Variants in AGBL1 observed in about 807,000 individuals in gnomAD.
AGBL1 encodes cytosolic carboxypeptidase 4.
AGBL1 carries 130 observed loss-of-function variants against 118.9 expected under a neutral mutation model. The ratio of observed to expected loss-of-function variants is 1.09; its 90% CI spans 0.95 to 1.26. The LOEUF is 1.26. Among genes scored for constraint, AGBL1 ranks in the 50% most tolerant of loss-of-function variants. The probability of loss-of-function intolerance (pLI) is 0.00; values close to 1 mark genes in which losing one functional copy is unlikely to be tolerated. For missense variants in AGBL1, 1,584 were observed against 1,298.1 expected (o/e 1.22, Z -3.38); for synonymous variants, 555 against 478.9 (o/e 1.16, Z -2.08).
At chr15:86,595,618 C>G (rs1338135131) in intron 21 of AGBL1, among the ~76,000 whole-genome samples, 1 of 152,142 alleles carries the variant, frequency 6.6e-6, no homozygotes, top group East Asian at 1.9e-4. Flanking sequence ...TCTGAGGGAC[C>G]ATCACCTCTT....
rs180677835 is a variant in AGBL1 at position 86,787,859 on chromosome 15, T to C, written c.3158+113423T>C. Reference sequence around the variant, plus strand: ...AGAATGTTTTATCAATACTTACATCTTTTTTTTCTTCTTTGAATTTTTGAT... The same window carrying C: ...AGAATGTTTTATCAATACTTACATCCTTTTTTTCTTCTTTGAATTTTTGAT... On this transcript the variant is annotated intron_variant, in intron 22 of 22. Coordinates refer to ENST00000614907, the MANE Select transcript of AGBL1 (RefSeq NM_001386094.1). 1.9e-3 allele frequency among the ~76,000 whole-genome samples: 294 copies of C among 150,868 alleles called. 1 individual carries two copies. The highest frequency in any genetic ancestry group is 2.7e-3 in the Non-Finnish European group (182 of 67,438).
intron 22 of AGBL1, among the ~76,000 whole-genome samples, chr15:86,697,125 G>GT (rs2086277069): frequency 6.6e-6 from 1 of 151,824 alleles, no homozygotes; most frequent in South Asian, 2.1e-4. Flanking sequence ...TCAACTTCTT[G>GT]TATTTGGATG....
chr15:86,161,503 C>T (rs977130629), intron 5 of AGBL1, among the ~76,000 whole-genome samples: 12 of 152,222 alleles, frequency 7.9e-5, no homozygotes, highest in African/African-American at 2.9e-4. Flanking sequence ...AGCCTCAGCT[C>T]TTAAGCCACC....
intron 21 of AGBL1, among the ~76,000 whole-genome samples, chr15:86,557,312 T>C (rs2083748993): frequency 1.3e-5 from 2 of 152,186 alleles, no homozygotes; most frequent in Non-Finnish European, 2.9e-5. Context: ...GCTGTGGGCT[T>C]CACACTGAGT....
intron 8 of AGBL1, among the ~76,000 whole-genome samples, chr15:86,257,682 G>C (rs1045821740): frequency 1.3e-5 from 2 of 152,204 alleles, no homozygotes; most frequent in African/African-American, 4.8e-5. Flanking sequence ...ACTTTCATGG[G>C]AGAATCCAGA....
chr15:86,703,241 G>A (rs570087338), intron 22 of AGBL1, among the ~76,000 whole-genome samples: 2 of 152,276 alleles, frequency 1.3e-5, no homozygotes, highest in African/African-American at 4.8e-5. Flanking sequence ...TAGACGAATA[G>A]ATATACATCA....
At chr15:86,825,122 C>T (rs999271710) in intron 22 of AGBL1, among the ~76,000 whole-genome samples, 1 of 151,676 alleles carries the variant, frequency 6.6e-6, no homozygotes, top group Non-Finnish European at 1.5e-5. Context: ...TCAACCTACG[C>T]AAATATATTC....
chr15:86,626,656 GT>G (rs151302450), intron 21 of AGBL1, among the ~76,000 whole-genome samples: 8 of 150,716 alleles, frequency 5.3e-5, no homozygotes, highest in African/African-American at 9.7e-5. Context: ...CTTAAAACTT[GT>G]TTTTTTTTAA....
chr15:86,378,650 C>T (rs2081070822), intron 17 of AGBL1, among the ~76,000 whole-genome samples: 1 of 151,592 alleles, frequency 6.6e-6, no homozygotes, highest in African/African-American at 2.4e-5. Context: ...TTTATTCTGT[C>T]TCCTTTAATT....
Position 86,615,056 on chromosome 15 carries a change from G to T in AGBL1, c.2995-59217G>T, listed in dbSNP as rs111661916. ...GATAAAGTAATTAGGATACCAAAAG[G>T]ATGGGCCTTTAGAAAAGGTTAGGAC... On this transcript the variant is annotated intron_variant, in intron 21 of 22. Coordinates refer to ENST00000614907, the MANE Select transcript of AGBL1 (RefSeq NM_001386094.1). This position sits in a 1 kb window ranked among gnomAD's most constrained non-coding sequence, Gnocchi z 4.3. Among the ~76,000 whole-genome samples the T allele has an allele frequency of 1.3e-3, 198 of 152,296 alleles. No individual in the cohort carries two copies. Among genetic ancestry groups the T allele is most frequent in the African/African-American group, 3.7e-3 (154 of 41,568 alleles).
chr15:86,820,014 C>G (rs557961354), intron 22 of AGBL1, among the ~76,000 whole-genome samples: 4 of 152,248 alleles, frequency 2.6e-5, no homozygotes, highest in African/African-American at 7.2e-5. Flanking sequence ...TGATCTTTGA[C>G]AAACCTGACA....
chr15:86,836,467 C>T (rs541491304), intron 22 of AGBL1, among the ~76,000 whole-genome samples: 4 of 152,166 alleles, frequency 2.6e-5, no homozygotes, highest in Non-Finnish European at 5.9e-5. Flanking sequence ...GACACACCGA[C>T]ATCAGGCAAT....
chr15:86,994,423 A>G (rs781117244), intron 24 of AGBL1, among the ~76,000 whole-genome samples: 5 of 152,114 alleles, frequency 3.3e-5, no homozygotes, highest in African/African-American at 4.8e-5. Context: ...TAGCTATTCA[A>G]TTATGAATAG....
intron 22 of AGBL1, among the ~76,000 whole-genome samples, chr15:86,767,145 G>T (rs1299645801): frequency 6.6e-6 from 1 of 152,074 alleles, no homozygotes; most frequent in Admixed American, 6.6e-5. Context: ...CTATATAAGT[G>T]AAGCTCAGAT....
At chr15:86,600,591 C>A (rs1362211977) in intron 21 of AGBL1, among the ~76,000 whole-genome samples, 1 of 152,090 alleles carries the variant, frequency 6.6e-6, no homozygotes, top group African/African-American at 2.4e-5. Context: ...CCCAAACAAT[C>A]TGCTTTTTGT....
At chr15:86,736,157 C>G (rs997672621) in intron 22 of AGBL1, among the ~76,000 whole-genome samples, 3 of 152,030 alleles carry the variant, frequency 2.0e-5, no homozygotes, top group African/African-American at 7.2e-5. Flanking sequence ...CCGAGGTGGG[C>G]AGATCACGAG....
At chr15:86,786,963 C>G (rs1360947989) in intron 22 of AGBL1, among the ~76,000 whole-genome samples, 6 of 152,078 alleles carry the variant, frequency 3.9e-5, no homozygotes, top group Admixed American at 6.6e-5. Flanking sequence ...CTGGTGGTAC[C>G]AATTTACACT....
At chr15:86,844,514 G>C (rs1290597102) in intron 22 of AGBL1, among the ~76,000 whole-genome samples, 1 of 151,944 alleles carries the variant, frequency 6.6e-6, no homozygotes. Context: ...TATTTCTTTG[G>C]TGAAATCCCT....
At chr15:86,768,613 C>G (rs904945310) in intron 22 of AGBL1, among the ~76,000 whole-genome samples, 1 of 151,974 alleles carries the variant, frequency 6.6e-6, no homozygotes, top group East Asian at 1.9e-4. Flanking sequence ...CGTAGGGAAG[C>G]CTGACCTGAC....
Sources: gnomAD v4.1 joint callset for allele counts (sites outside exome capture counted in the v4.1 genomes callset) on GRCh38, gnomAD v4.1.1 for gene constraint, Gnocchi (gnomAD v3.1) non-coding constraint, MANE v1.5 for transcripts, NCBI Gene and HGNC (gene_info 2026-07-23, HGNC 2026-07-21) for gene names.